Variants in ANO2 observed in about 807,000 individuals in gnomAD.
ANO2 encodes anoctamin-2.
In ANO2, 101 loss-of-function variants were observed where a neutral mutation model predicts 124.2. That is an observed-to-expected ratio of 0.81 (90% CI 0.69 to 0.96). The LOEUF is 0.96. Ranked by LOEUF, ANO2 falls within the 40% of genes least tolerant of loss-of-function variation. The pLI is 0.00. For synonymous variants in ANO2, 486 were observed against 482.5 expected (o/e 1.01, Z -0.09); for missense variants, 1,293 against 1,274.5 (o/e 1.01, Z -0.22).
intron 16 of ANO2, among the ~76,000 whole-genome samples, chr12:5,620,801 A>G (rs2068479): frequency 0.29 from 43,582 of 151,364 alleles, 7,453 homozygotes; most frequent in East Asian, 0.49. Context: ...TTCACCAAAT[A>G]ATCATCTGGA....
intron 14 of ANO2, among the ~76,000 whole-genome samples, chr12:5,666,863 ATCT>A (rs927860560): frequency 6.7e-6 from 1 of 148,922 alleles, no homozygotes; most frequent in Non-Finnish European, 1.5e-5. Flanking sequence ...CCGTTGGACA[ATCT>A]TCTAACGAGA....
intron 14 of ANO2, among the ~76,000 whole-genome samples, chr12:5,719,306 C>T (rs1355870610): frequency 1.4e-5 from 2 of 143,542 alleles, no homozygotes; most frequent in East Asian, 3.9e-4. Flanking sequence ...CACACACACT[C>T]ACACACTCAC....
intron 14 of ANO2, among the ~76,000 whole-genome samples, chr12:5,707,699 G>C (rs1379047859): frequency 6.6e-6 from 1 of 152,132 alleles, no homozygotes; most frequent in Non-Finnish European, 1.5e-5. Context: ...TACCTTCCGA[G>C]TTTATCTTTG....
At chr12:5,747,554 C>G (rs1316450671) in intron 11 of ANO2, among the ~76,000 whole-genome samples, 1 of 152,138 alleles carries the variant, frequency 6.6e-6, no homozygotes, top group Non-Finnish European at 1.5e-5. Flanking sequence ...CATCCTGAGT[C>G]TGAAAAAACA....
intron 3 of ANO2, among the ~76,000 whole-genome samples, chr12:5,912,074 C>G (rs1941083588): frequency 6.6e-6 from 1 of 152,220 alleles, no homozygotes; most frequent in Non-Finnish European, 1.5e-5. Context: ...CTTCCAACCC[C>G]TTCTGAGGAA....
At chr12:5,896,347 T>A (rs911241873) in intron 3 of ANO2, among the ~76,000 whole-genome samples, 1 of 152,186 alleles carries the variant, frequency 6.6e-6, no homozygotes, top group Non-Finnish European at 1.5e-5. Flanking sequence ...AAATCACACA[T>A]AAAGATGTAT....
chr12:5,854,249 T>G, intron 3 of ANO2, 108 bp from the exon 4 acceptor site: 1 of 1,004,546 alleles, frequency 1.0e-6, no homozygotes, highest in Non-Finnish European at 1.5e-6. Context: ...GTTCTTCAGT[T>G]TCTCGTTTTC....
intron 4 of ANO2, among the ~76,000 whole-genome samples, chr12:5,838,807 C>A (rs966192068): frequency 6.6e-6 from 1 of 152,216 alleles, no homozygotes; most frequent in Admixed American, 6.5e-5. Context: ...GTCTGCCCAA[C>A]AAACCATGGA....
chr12:5,839,068 C>T (rs1954422495), intron 4 of ANO2, among the ~76,000 whole-genome samples: 1 of 152,230 alleles, frequency 6.6e-6, no homozygotes, highest in Admixed American at 6.5e-5. Context: ...TTTCAAGATA[C>T]TGGACATCAG....
At chr12:5,872,200 T>C (rs1264519151) in intron 3 of ANO2, among the ~76,000 whole-genome samples, 2 of 152,158 alleles carry the variant, frequency 1.3e-5, no homozygotes, top group Admixed American at 1.3e-4. Context: ...GCACCTGCTC[T>C]GGTCTCACTT....
intron 7 of ANO2, among the ~76,000 whole-genome samples, chr12:5,822,912 G>T (rs1953850267): frequency 6.6e-6 from 1 of 152,192 alleles, no homozygotes; most frequent in South Asian, 2.1e-4. Flanking sequence ...TGGCAAGAGG[G>T]CAAGAGAGAA....
chr12:5,784,160 CT>C (rs36019270), intron 10 of ANO2, among the ~76,000 whole-genome samples: 27,172 of 151,934 alleles, frequency 0.18, 2,814 homozygotes, highest in Non-Finnish European at 0.23. Context: ...CTATTCCCCC[CT>C]ATCTGGAATG....
chr12:5,831,308 C>T lies in ANO2; in HGVS notation c.786-819G>A, dbSNP rs560767364. Among the ~76,000 whole-genome samples, 22 of 152,300 alleles carry T rather than the reference C, an allele frequency of 1.4e-4. No individual in the cohort carries two copies. The South Asian group carries it at 4.6e-3, about 32-fold the overall frequency. ...AGCGCGTGCTTCTGGTTGGGAAGAG[C>T]AGAATATCCTTCAAAAGGAAGGTGT... On this transcript the variant is annotated intron_variant, in intron 5 of 24. Coordinates refer to ENST00000682330, the MANE Select transcript of ANO2 (RefSeq NM_001364791.2).
chr12:5,579,728 T>G (rs1942632430), intron 20 of ANO2, among the ~76,000 whole-genome samples: 1 of 152,204 alleles, frequency 6.6e-6, no homozygotes, highest in Admixed American at 6.5e-5. Flanking sequence ...ATAATCTGCC[T>G]CCAATCTGCC....
chr12:5,610,819 T>TACACACACACACATACACACAC (rs1944495978), intron 19 of ANO2, among the ~76,000 whole-genome samples: 1 of 110,862 alleles, frequency 9.0e-6, no homozygotes, highest in African/African-American at 4.2e-5. Context: ...GAGTTGTCCA[T>TACACACACACACATACACACAC]ACACACACAC....
intron 20 of ANO2, among the ~76,000 whole-genome samples, chr12:5,579,456 G>A (rs1439436058): frequency 6.6e-6 from 1 of 152,172 alleles, no homozygotes; most frequent in Non-Finnish European, 1.5e-5. Flanking sequence ...GACCTTCTAA[G>A]CTATGGAAGC....
rs1940526207 is a variant in ANO2, at chr12:5,904,324, G to C, written c.534+16716C>G. On this transcript the variant is annotated intron_variant, in intron 3 of 24. Coordinates refer to ENST00000682330, the MANE Select transcript of ANO2 (RefSeq NM_001364791.2). The surrounding 1 kb of genome is among the most constrained non-coding windows in gnomAD (Gnocchi z 4.1). ...CCCAATACACCACCATTCACCTAAG[G>C]CTTTGATCCCTGAGAAAAATGCAGC... Among the ~76,000 whole-genome samples the C allele has an allele frequency of 6.6e-6, 1 of 152,168 alleles. No homozygotes were observed. Among genetic ancestry groups the C allele is most frequent in the Non-Finnish European group, 1.5e-5 (1 of 68,024 alleles).
intron 3 of ANO2, among the ~76,000 whole-genome samples, chr12:5,867,993 T>TCAATAGCA (rs1212573544): frequency 1.3e-5 from 2 of 152,086 alleles, no homozygotes; most frequent in Non-Finnish European, 2.9e-5. Flanking sequence ...GACATAGTAT[T>TCAATAGCA]CAATAGCACA....
rs6489674 is a variant in ANO2 at position 5,925,451 on chromosome 12, T to A, written c.23-2647A>T. 0.41 allele frequency among the ~76,000 whole-genome samples: 61,933 copies of A among 151,864 alleles called. 13,972 individuals are homozygous for A. The highest frequency in any genetic ancestry group is 0.79 in the East Asian group (4,061 of 5,136). ...CAAGTGATTAGAGCACAGCACACGG[T>A]TCAGCCATCCCAGCCGTCCCAGCTC... On this transcript the variant is annotated intron_variant, in intron 1 of 24. Coordinates refer to ENST00000682330, the MANE Select transcript of ANO2 (RefSeq NM_001364791.2). This position sits in a 1 kb window ranked among gnomAD's most constrained non-coding sequence, Gnocchi z 4.6.
Sources: allele counts gnomAD v4.1 joint callset (sites outside exome capture counted in the v4.1 genomes callset), GRCh38; gene constraint gnomAD v4.1.1; non-coding constraint Gnocchi (gnomAD v3.1); transcripts MANE v1.5; gene names NCBI Gene and HGNC (gene_info 2026-07-23, HGNC 2026-07-21).